The following ATP9B variants were observed in gnomAD, a reference collection of about 807,000 sequenced individuals.
The protein encoded by ATP9B is probable phospholipid-transporting ATPase IIB.
ATP9B carries 110 observed loss-of-function variants against 146.1 expected under a neutral mutation model. That is an observed-to-expected ratio of 0.75 (90% CI 0.65 to 0.88). The LOEUF is 0.88. Among genes scored for constraint, ATP9B ranks in the 40% least tolerant of loss-of-function variants. ATP9B has a pLI of 0.00. For missense variants in ATP9B, 1,499 were observed against 1,496.4 expected, an observed-to-expected ratio of 1.00 and a Z score of -0.03; for synonymous variants, 604 against 569.7, an observed-to-expected ratio of 1.06 and a Z score of -0.86.
At chr18:79,223,414 T>C (rs2095699895) in intron 11 of ATP9B, among the ~76,000 whole-genome samples, 1 of 152,204 alleles carries the variant, frequency 6.6e-6, no homozygotes, top group South Asian at 2.1e-4. Flanking sequence ...TGTAATAAAA[T>C]ACCGTAGAGT....
intron 3 of ATP9B, among the ~76,000 whole-genome samples, chr18:79,112,888 T>C (rs2093998840): frequency 6.6e-6 from 1 of 152,234 alleles, no homozygotes; most frequent in Non-Finnish European, 1.5e-5. Flanking sequence ...AAGGTTTTGC[T>C]ATCTAACTTT....
chr18:79,315,786 G>A lies in ATP9B; in HGVS notation c.1773+8552G>A, dbSNP rs571026499. 7.9e-5 allele frequency among the ~76,000 whole-genome samples: 12 copies of A among 152,356 alleles called. No homozygotes were observed. The South Asian group carries it at 2.5e-3, about 32-fold the overall frequency. On this transcript the variant is annotated intron_variant, in intron 15 of 29. Transcript: ENST00000426216. ...TTATTTAGCATGGAGAAGTGCAAGT[G>A]TGTAAACAAATCGCCTGTGGCAGAG... is the stretch of plus-strand genomic sequence containing the variant.
intron 4 of ATP9B, among the ~76,000 whole-genome samples, chr18:79,125,653 A>G (rs1460982912): frequency 1.3e-5 from 2 of 152,182 alleles, no homozygotes; most frequent in African/African-American, 4.8e-5. Flanking sequence ...TTAGCTTCAT[A>G]TTAGTGGTAT....
intron 11 of ATP9B, among the ~76,000 whole-genome samples, chr18:79,237,689 TGGGG>T (rs72074123): frequency 4.2e-5 from 6 of 142,838 alleles, no homozygotes; most frequent in African/African-American, 1.1e-4. Flanking sequence ...TTTTTTTTTT[TGGGG>T]GGGGGTGGGG....
chr18:79,274,534 C>G, intron 12 of ATP9B, among the ~76,000 whole-genome samples: 1 of 152,062 alleles, frequency 6.6e-6, no homozygotes, highest in East Asian at 1.9e-4. Context: ...TACATACTCC[C>G]TATGTGGTAT....
chr18:79,100,316 G>C (rs992502188), intron 2 of ATP9B, among the ~76,000 whole-genome samples: 2 of 152,168 alleles, frequency 1.3e-5, no homozygotes, highest in African/African-American at 4.8e-5. Context: ...CTGTGTTGCT[G>C]TTCATGGTTT....
At chr18:79,175,791 TGCACACACA>T (rs1222752470) in intron 7 of ATP9B, among the ~76,000 whole-genome samples, 1 of 152,124 alleles carries the variant, frequency 6.6e-6, no homozygotes, top group Admixed American at 6.5e-5. Context: ...GATACGCTTG[TGCACACACA>T]GCACACACAA....
chr18:79,161,908 G>C (rs966680278), intron 7 of ATP9B, among the ~76,000 whole-genome samples: 1 of 152,142 alleles, frequency 6.6e-6, no homozygotes, highest in Non-Finnish European at 1.5e-5. Flanking sequence ...AGACCAAATA[G>C]CTTTCAAGCT....
chr18:79,337,245 G>C, intron 18 of ATP9B, 34 bp from the exon 19 acceptor site: 1 of 1,602,616 alleles, frequency 6.2e-7, no homozygotes. Context: ...GCACGTACAC[G>C]TGTGCACACA....
intron 5 of ATP9B, among the ~76,000 whole-genome samples, chr18:79,139,588 A>T (rs961673507): frequency 4.6e-5 from 7 of 152,138 alleles, no homozygotes; most frequent in African/African-American, 1.7e-4. Context: ...GGGCTACATG[A>T]GATATTTTGA....
At chr18:79,130,296 A>G (rs1242767986) in intron 5 of ATP9B, among the ~76,000 whole-genome samples, 1 of 152,204 alleles carries the variant, frequency 6.6e-6, no homozygotes, top group Non-Finnish European at 1.5e-5. Flanking sequence ...TCTGGCACTG[A>G]AAAGTATAGT....
At chr18:79,210,856 TTTG>T (rs374798104) in intron 10 of ATP9B, among the ~76,000 whole-genome samples, 1 of 152,222 alleles carries the variant, frequency 6.6e-6, no homozygotes, top group Non-Finnish European at 1.5e-5. Flanking sequence ...AATACATTGA[TTTG>T]TTAATACCTC....
intron 8 of ATP9B, among the ~76,000 whole-genome samples, chr18:79,186,448 A>G (rs897171810): frequency 6.6e-6 from 1 of 151,986 alleles, no homozygotes; most frequent in Non-Finnish European, 1.5e-5. Context: ...GAAATGCATT[A>G]CTCTAAATGC....
intron 4 of ATP9B, among the ~76,000 whole-genome samples, chr18:79,119,070 TAA>T (rs749365383): frequency 1.7e-4 from 24 of 138,756 alleles, no homozygotes; most frequent in Non-Finnish European, 2.4e-4. Context: ...GACCGTGTCT[TAA>T]AAAAAAAAAA....
intron 8 of ATP9B, among the ~76,000 whole-genome samples, chr18:79,178,184 A>T (rs552188315): frequency 1.3e-5 from 2 of 152,248 alleles, no homozygotes; most frequent in African/African-American, 4.8e-5. Flanking sequence ...CCTGGATCAC[A>T]CAGTGTGGCT....
chr18:79,236,759 C>G (rs929177102), intron 11 of ATP9B, among the ~76,000 whole-genome samples: 6 of 148,070 alleles, frequency 4.1e-5, no homozygotes, highest in Non-Finnish European at 7.5e-5. Flanking sequence ...TGTGCACGGT[C>G]CGTGCACGAG....
chr18:79,151,179 C>T (rs1015465699), intron 6 of ATP9B, among the ~76,000 whole-genome samples: 1 of 152,192 alleles, frequency 6.6e-6, no homozygotes. Context: ...ACTCGCATTT[C>T]ACTATTTCAA....
chr18:79,166,301 G>A (rs1485691425), intron 7 of ATP9B, among the ~76,000 whole-genome samples: 1 of 152,214 alleles, frequency 6.6e-6, no homozygotes, highest in Non-Finnish European at 1.5e-5. Flanking sequence ...AGGAGACTGT[G>A]AGCATGTGCT....
chr18:79,216,079 T>C, intron 11 of ATP9B, among the ~76,000 whole-genome samples: 1 of 61,000 alleles, frequency 1.6e-5, no homozygotes, highest in Admixed American at 1.5e-4. Context: ...TGAGGGTAAA[T>C]TAATTTTAAA....
Sources: allele counts gnomAD v4.1 joint callset (sites outside exome capture counted in the v4.1 genomes callset), GRCh38; gene constraint gnomAD v4.1.1; transcripts MANE v1.5; gene names NCBI Gene and HGNC (gene_info 2026-07-23, HGNC 2026-07-21).